CFAP47: variants seen among roughly 807,000 people sequenced by gnomAD.
CFAP47 encodes the protein cilia and flagella associated protein 47.
CFAP47 carries 29 observed loss-of-function variants against 148.1 expected under a neutral mutation model. The observed-to-expected ratio is 0.20, with a 90% CI of 0.15 to 0.27. The LOEUF (loss-of-function observed/expected upper bound fraction) is 0.27. Among genes scored for constraint, CFAP47 ranks in the 10% least tolerant of loss-of-function variants. The pLI is 1.00. For missense variants in CFAP47, 1,872 were observed against 1,697.5 expected (o/e 1.10, Z -1.81); for synonymous variants, 664 against 577.3 (o/e 1.15, Z -2.15).
At chrX:36,247,130 TG>T (rs1940625587) in intron 48 of CFAP47, among the ~76,000 whole-genome samples, 1 of 111,834 alleles carries the variant, frequency 8.9e-6, no homozygotes, top group Non-Finnish European at 1.9e-5. Flanking sequence ...TGCAGCAACG[TG>T]GTTGTAGCTG....
intron 33 of CFAP47, among the ~76,000 whole-genome samples, chrX:36,119,834 T>A (rs190919459): frequency 8.9e-6 from 1 of 111,753 alleles, no homozygotes; most frequent in African/African-American, 3.2e-5. Flanking sequence ...GATTTTCCAA[T>A]TTATTGGCAT....
At chrX:36,116,092 G>T (rs150509063) in intron 33 of CFAP47, among the ~76,000 whole-genome samples, 1,740 of 111,760 alleles carry the variant, frequency 0.016, 30 homozygotes, top group African/African-American at 0.054. Context: ...ATTCAGAGGG[G>T]ACTTGTGCAT....
intron 2 of CFAP47, among the ~76,000 whole-genome samples, chrX:35,940,849 A>C (rs764350622): frequency 5.1e-4 from 57 of 111,963 alleles, no homozygotes; most frequent in Middle Eastern, 9.3e-3. Context: ...ACAAACTTGT[A>C]GGAACACATG....
At chrX:36,370,997 A>G (rs1186622447) in intron 62 of CFAP47, among the ~76,000 whole-genome samples, 3 of 111,328 alleles carry the variant, frequency 2.7e-5, no homozygotes, top group African/African-American at 9.8e-5. Context: ...GCGTTAGTGT[A>G]TCCAGGGGTA....
chrX:36,276,663 A>G (rs1941021466), intron 49 of CFAP47, among the ~76,000 whole-genome samples: 1 of 111,849 alleles, frequency 8.9e-6, no homozygotes, highest in South Asian at 3.7e-4. Flanking sequence ...CATTCCATCC[A>G]GATTTTAGAA....
intron 33 of CFAP47, among the ~76,000 whole-genome samples, chrX:36,126,107 C>T (rs1465660729): frequency 9.3e-6 from 1 of 107,124 alleles, no homozygotes; most frequent in Non-Finnish European, 1.9e-5. Flanking sequence ...TTTTATTATA[C>T]TTTAAGTACT....
At chrX:36,374,072 C>T (rs1339936619) in intron 62 of CFAP47, among the ~76,000 whole-genome samples, 1 of 110,479 alleles carries the variant, frequency 9.1e-6, no homozygotes, top group Non-Finnish European at 1.9e-5. Flanking sequence ...TGATCCTGGC[C>T]TCATAAAATG....
chrX:36,302,150 A>G (rs1303731826), intron 53 of CFAP47, among the ~76,000 whole-genome samples: 1 of 110,027 alleles, frequency 9.1e-6, no homozygotes, highest in Non-Finnish European at 1.9e-5. Flanking sequence ...CCAAAAAATG[A>G]TGGGAAATCT....
intron 25 of CFAP47, among the ~76,000 whole-genome samples, chrX:36,046,500 C>A (rs1937468181): frequency 9.0e-6 from 1 of 110,512 alleles, no homozygotes; most frequent in African/African-American, 3.3e-5. Context: ...TAAGTTTGTA[C>A]CTATTAAAGT....
chrX:36,371,595 G>GCGTGTATATA (rs1569328965), intron 62 of CFAP47, among the ~76,000 whole-genome samples: 15 of 90,461 alleles, frequency 1.7e-4, no homozygotes, highest in African/African-American at 6.1e-4. Flanking sequence ...GTGTATACAT[G>GCGTGTATATA]TGTGTATATA....
In CFAP47 at chrX:36,274,794, AT is replaced by A. The variant is rs782531341; in HGVS notation, c.7445-5687del. 4.2e-4 allele frequency among the ~76,000 whole-genome samples: 47 copies of A among 111,715 alleles called. No individual in the cohort carries two copies. The East Asian group carries it at 0.012, about 30-fold the overall frequency. On this transcript the variant is annotated intron_variant, in intron 49 of 63. Coordinates refer to ENST00000378653, the MANE Select transcript of CFAP47 (RefSeq NM_001304548.2). ...GCATGTCATATAAAAAGAAAAAAAT[AT>A]TTTTTCTTTCTAATTTGGATGCCTC...
At chrX:36,353,472 C>T in intron 59 of CFAP47, 57 bp from the exon 60 acceptor site, 1 of 1,021,597 alleles carries the variant, frequency 9.8e-7, no homozygotes, top group South Asian at 2.1e-5. Flanking sequence ...TCTTCTATCT[C>T]AAGAATGATC....
At position 36,053,498 on chromosome X, in the gene CFAP47, G is replaced by T. The variant is rs759793351; in HGVS notation, c.4217+6435G>T. 6.3e-5 allele frequency among the ~76,000 whole-genome samples: 7 copies of T among 111,619 alleles called. No individual in the cohort carries two copies. In the South Asian group the frequency reaches 1.1e-3, roughly 18 times the overall value. ...CATACACTTGTCCACCTTCCTTAGT[G>T]TTGTGTGTGTAGATAGAATAAGCAG... On this transcript the variant is annotated intron_variant, in intron 26 of 63. Coordinates refer to ENST00000378653, the MANE Select transcript of CFAP47 (RefSeq NM_001304548.2).
At chrX:36,141,939 C>G (rs573841526) in intron 35 of CFAP47, among the ~76,000 whole-genome samples, 1 of 110,149 alleles carries the variant, frequency 9.1e-6, no homozygotes, top group East Asian at 2.8e-4. Context: ...AAACCTTTCC[C>G]AGCGGCCCCA....
chrX:36,126,585 G>A (rs1473131511), intron 33 of CFAP47, among the ~76,000 whole-genome samples: 2 of 112,023 alleles, frequency 1.8e-5, no homozygotes, highest in African/African-American at 6.5e-5. Flanking sequence ...ATAGTAGAAT[G>A]ATTTATAATC....
intron 49 of CFAP47, among the ~76,000 whole-genome samples, chrX:36,253,361 G>A (rs1309293097): frequency 9.0e-6 from 1 of 111,383 alleles, no homozygotes; most frequent in East Asian, 2.8e-4. Flanking sequence ...GCCTGTAAAA[G>A]GGAGCCTAGC....
chrX:36,306,057 C>A (rs1166833169), intron 54 of CFAP47, among the ~76,000 whole-genome samples: 1 of 111,879 alleles, frequency 8.9e-6, no homozygotes, highest in African/African-American at 3.3e-5. Context: ...GTTTTTCTGG[C>A]AAAATATATT....
chrX:36,265,766 G>T (rs1303142474), intron 49 of CFAP47, among the ~76,000 whole-genome samples: 1 of 111,719 alleles, frequency 9.0e-6, no homozygotes, highest in Non-Finnish European at 1.9e-5. Context: ...TTTTTGGGGG[G>T]TAAAAAGATA....
At chrX:36,333,596 C>A (rs1941581902) in intron 57 of CFAP47, among the ~76,000 whole-genome samples, 1 of 111,709 alleles carries the variant, frequency 9.0e-6, no homozygotes, top group South Asian at 3.7e-4. Flanking sequence ...TTGTTGACGT[C>A]AATATCCACA....
Sources: gnomAD v4.1 joint callset for allele counts (sites outside exome capture counted in the v4.1 genomes callset) on GRCh38, gnomAD v4.1.1 for gene constraint, MANE v1.5 for transcripts, NCBI Gene and HGNC (gene_info 2026-07-23, HGNC 2026-07-21) for gene names.